Variants in SSTR5 observed in about 807,000 individuals in gnomAD.
SSTR5 encodes somatostatin receptor type 5.
Under a neutral mutation model 0.3 loss-of-function variants are expected in SSTR5, and 1 was observed. That is an observed-to-expected ratio of 2.98 (90% confidence interval 1.06 to 14.15). SSTR5 has a LOEUF of 14.15. SSTR5 is among the 30% of genes most tolerant of loss of function. The pLI, the probability that SSTR5 is intolerant of heterozygous loss-of-function variation, is 0.12. For synonymous variants in SSTR5, 256 were observed against 263.1 expected (o/e 0.97, Z 0.26); for missense variants, 516 against 543.2 (o/e 0.95, Z 0.50).
At position 1,080,018 on chromosome 16, in the gene SSTR5, C is replaced by T; in HGVS notation, c.*55C>T. 3 of 1,513,068 alleles carry T rather than the reference C, an allele frequency of 2.0e-6. No homozygotes were observed. The highest frequency in any genetic ancestry group is 1.8e-6 in the Non-Finnish European group (2 of 1,130,684). The allele number at this position is 1,513,068 out of a possible 1,614,324, so 93.7% of individuals were successfully genotyped here. A position where few individuals can be genotyped will look rare whatever the true frequency, so the allele number is the denominator to read the frequency against. Reference sequence around the variant, plus strand: ...GTCACCCCCAGGAGCGGAGGTTGCACTGCGGTGACCCCCACCCATGACCTG... The same window carrying T: ...GTCACCCCCAGGAGCGGAGGTTGCATTGCGGTGACCCCCACCCATGACCTG... On this transcript the variant is annotated 3_prime_UTR_variant, in exon 2 of 2. Transcript: ENST00000689027.
At position 1,072,777 on chromosome 16, in the gene SSTR5, C is replaced by T. The variant is rs1288932708; in HGVS notation, c.-73C>T. Reference sequence around the variant, plus strand: ...GCGCCCGGGAGCCCGGAGCCAGTGCCGCGCGGACATCGGGGCTCCCCCGTT... The same window carrying T: ...GCGCCCGGGAGCCCGGAGCCAGTGCTGCGCGGACATCGGGGCTCCCCCGTT... On this transcript the variant is annotated 5_prime_UTR_variant, in exon 1 of 2. Transcript: ENST00000689027. 6.8e-6 allele frequency among the ~76,000 whole-genome samples: 1 copy of T among 147,992 alleles called. No individual in the cohort carries two copies. The highest frequency in any genetic ancestry group is 2.5e-5 in the African/African-American group (1 of 40,388).
intron 1 of SSTR5, chr16:1,078,564 C>G (rs1960263712): frequency 2.0e-6 from 1 of 488,438 alleles, no homozygotes; most frequent in African/African-American, 1.9e-5. Context: ...CAGGCGCCAT[C>G]TGGGTGCAGG....
Position 1,079,474 on chromosome 16 carries a change from C to G in SSTR5, c.606C>G (p.Ile202Met). 6.2e-7 allele frequency: 1 copy of G among 1,610,314 alleles called. No individual in the cohort carries two copies. The highest frequency in any genetic ancestry group is 1.3e-5 in the African/African-American group (1 of 74,934). ...TGGGGCTGTGGGGCGCCGTCTTCAT[C>G]ATCTACACGGCCGTGCTGGGCTTCT... ...EPVGLWGAVF[I>M]IYTAVLGFFA... Residue 202 changes from isoleucine (I) to methionine (M), a missense_variant, in exon 2 of 2, where the codon ATC (isoleucine) becomes ATG (methionine). By Grantham distance (10) the Ile-to-Met change is conservative. Coordinates refer to ENST00000689027, the MANE Select transcript of SSTR5 (RefSeq NM_001172560.3).
At chr16:1,075,859 C>CGT (rs1960181854) in intron 1 of SSTR5, among the ~76,000 whole-genome samples, 1 of 135,732 alleles carries the variant, frequency 7.4e-6, no homozygotes, top group African/African-American at 2.8e-5. Context: ...TCTCCCTCTC[C>CGT]CTCCCTCCCT....
In SSTR5 at chr16:1,073,797, C is replaced by T. The variant is rs1960137918; in HGVS notation, c.-28+975C>T. On this transcript the variant is annotated intron_variant, in intron 1 of 1. Transcript: ENST00000689027. ...CCTTTCTGAAGGCAGTGATTCTGGA[C>T]TATGTAGGTGGGGACTGCCAGAGCC... is the stretch of plus-strand genomic sequence containing the variant. Among the ~76,000 whole-genome samples the T allele has an allele frequency of 2.0e-5, 3 of 152,344 alleles. No homozygotes were observed. In the South Asian group the frequency reaches 6.2e-4, roughly 32 times the overall value.
In SSTR5 at chr16:1,080,497, G is replaced by A. The variant is rs969893432; in HGVS notation, c.*534G>A. Among the ~76,000 whole-genome samples, 5 of 152,366 alleles carry A rather than the reference G, an allele frequency of 3.3e-5. No individual in the cohort carries two copies. Among genetic ancestry groups the A allele is most frequent in the African/African-American group, 7.2e-5 (3 of 41,598 alleles). On this transcript the variant is annotated 3_prime_UTR_variant, in exon 2 of 2. Coordinates refer to ENST00000689027, the MANE Select transcript of SSTR5 (RefSeq NM_001172560.3). ...GCCCCTCGCTTGCCCTGCACTGTGT[G>A]GACTCTGGGGATGCAGGTGTAAGGG... is the stretch of plus-strand genomic sequence containing the variant.
intron 1 of SSTR5, chr16:1,078,538 G>A (rs1960262860): frequency 2.3e-6 from 1 of 431,480 alleles, no homozygotes; most frequent in East Asian, 4.6e-5. Flanking sequence ...CAGACTCCAG[G>A]ATGCTGCGGC....
At chr16:1,074,511 C>G (rs2151554086) in intron 1 of SSTR5, among the ~76,000 whole-genome samples, 1 of 152,338 alleles carries the variant, frequency 6.6e-6, no homozygotes, top group East Asian at 1.9e-4. Flanking sequence ...GGCCCCGCCT[C>G]TGGTCCCAGG....
intron 1 of SSTR5, among the ~76,000 whole-genome samples, chr16:1,076,405 C>T (rs117836044): frequency 0.014 from 2,042 of 146,792 alleles, 22 homozygotes; most frequent in Middle Eastern, 0.027. Context: ...TTCTGCTGCA[C>T]TCTGGCTCCT....
chr16:1,079,206 GC>G lies in SSTR5; in HGVS notation c.340del (p.Leu114TrpfsTer3). 6.2e-7 allele frequency: 1 copy of G among 1,612,478 alleles called. No homozygotes were observed. The highest frequency in any genetic ancestry group is 8.5e-7 in the Non-Finnish European group (1 of 1,179,926). On this transcript the variant is annotated frameshift_variant, in exon 2 of 2. Transcript: ENST00000689027. LOFTEE classifies it low-confidence loss of function (END_TRUNC). ...SFWPFGPVLCRLVMTLDGVNQ... is the reference protein window; with the variant it reads ...SFWPFGPVLCXLVMTLDGVNQ... ...TGGCCCTTCGGCCCCGTCCTGTGCC[GC>G]CTGGTCATGACGCTGGACGGCGTCA...
intron 1 of SSTR5, chr16:1,078,312 C>T (rs1454107552): frequency 6.3e-6 from 1 of 158,940 alleles, no homozygotes; most frequent in African/African-American, 2.4e-5. Context: ...GTGGCGACAC[C>T]ACGTCCAGCC....
At chr16:1,075,734 A>G (rs1960179257) in intron 1 of SSTR5, among the ~76,000 whole-genome samples, 1 of 151,640 alleles carries the variant, frequency 6.6e-6, no homozygotes, top group Admixed American at 6.6e-5. Flanking sequence ...TCTCCAGACC[A>G]CTGTCCTTCC....
Position 1,079,608 on chromosome 16 carries a change from C to G in SSTR5, c.740C>G (p.Thr247Arg), listed in dbSNP as rs142959735. 1.2e-6 allele frequency: 2 copies of G among 1,611,472 alleles called. No homozygotes were observed. Among genetic ancestry groups the G allele is most frequent in the East Asian group, 2.2e-5 (1 of 44,842 alleles). The change falls in exon 2 of 2, where the codon ACG (threonine) becomes AGG (arginine). Residue 247 changes from threonine (T) to arginine (R), a missense_variant. By Grantham distance (71) the Thr-to-Arg change is moderately conservative. Coordinates refer to ENST00000689027, the MANE Select transcript of SSTR5 (RefSeq NM_001172560.3). ...CVRRRSERKV[T>R]RMVLVVVLVF... Reference sequence around the variant, plus strand: ...CGGCGGCGCTCGGAGCGGAAGGTGACGCGCATGGTGTTGGTGGTGGTGCTG... The same window carrying G: ...CGGCGGCGCTCGGAGCGGAAGGTGAGGCGCATGGTGTTGGTGGTGGTGCTG...
In SSTR5 at chr16:1,079,949, A is replaced by AC. The variant is rs1326390978; in HGVS notation, c.1083dup (p.Ser362GlnfsTer52). 2 of 1,603,076 alleles carry AC rather than the reference A, an allele frequency of 1.2e-6. No individual in the cohort carries two copies. Among genetic ancestry groups the AC allele is most frequent in the Non-Finnish European group, 1.7e-6 (2 of 1,175,302 alleles). Reference sequence around the variant, plus strand: ...CGCCGCAGCCAACGGGCTTATGCAGACCAGCAAGCTGTGAGAGTGCAGGCG... The same window carrying AC: ...CGCCGCAGCCAACGGGCTTATGCAGACCCAGCAAGCTGTGAGAGTGCAGGCG... On this transcript the variant is annotated frameshift_variant, in exon 2 of 2. Transcript: ENST00000689027. LOFTEE classifies it high-confidence loss of function.
At chr16:1,073,073 A>G (rs997485626) in intron 1 of SSTR5, 23 of 150,318 alleles carry the variant, frequency 1.5e-4, no homozygotes, top group African/African-American at 5.6e-4. Context: ...TCCTGCCCCC[A>G]CCCCACAACT....
rs1960374618 is a variant in SSTR5 at position 1,081,267 on chromosome 16, G to A, written c.*1304G>A. 1.1e-5 allele frequency: 4 copies of A among 378,830 alleles called. No homozygotes were observed. The highest frequency in any genetic ancestry group is 4.0e-5 in the South Asian group (2 of 50,418). The allele number at this position is 378,830 out of a possible 1,614,324, so 23.5% of individuals were successfully genotyped here. ...CTCTGCCCTGCCCAGCACTGGCCCCGACCCGTGCTCCCGCCGTCTGCCCAG... is the reference window on the plus strand; with the variant it reads ...CTCTGCCCTGCCCAGCACTGGCCCCAACCCGTGCTCCCGCCGTCTGCCCAG... On this transcript the variant is annotated 3_prime_UTR_variant, in exon 2 of 2. Coordinates refer to ENST00000689027, the MANE Select transcript of SSTR5 (RefSeq NM_001172560.3).
At chr16:1,073,488 A>G (rs1316931224) in intron 1 of SSTR5, 5 of 152,274 alleles carry the variant, frequency 3.3e-5, no homozygotes, top group African/African-American at 1.2e-4. Context: ...GTTCCCTGAA[A>G]CCCAAGACTG....
chr16:1,080,121 G>A lies in SSTR5; in HGVS notation c.*158G>A, dbSNP rs949309044. On this transcript the variant is annotated 3_prime_UTR_variant, in exon 2 of 2. Transcript: ENST00000689027. ...GGCTGGGGTAGACACAGGGCAGTAG[G>A]TTCCCCACCGTGACCGACCATCCCC... 1.4e-4 allele frequency: 143 copies of A among 993,110 alleles called. No individual in the cohort carries two copies. The highest frequency in any genetic ancestry group is 2.0e-4 in the Non-Finnish European group (139 of 688,442). 61.5% of individuals were successfully genotyped at this position (993,110 alleles called of 1,614,324 possible).
chr16:1,077,446 C>G (rs1960236094), intron 1 of SSTR5, among the ~76,000 whole-genome samples: 1 of 152,334 alleles, frequency 6.6e-6, no homozygotes, highest in East Asian at 1.9e-4. Context: ...CTTTTTGAGA[C>G]AGGGTCTTGC....
Sources: allele counts gnomAD v4.1 joint callset (sites outside exome capture counted in the v4.1 genomes callset), GRCh38; gene constraint gnomAD v4.1.1; transcripts MANE v1.5; gene names NCBI Gene and HGNC (gene_info 2026-07-23, HGNC 2026-07-21).